FBXL2: variants seen among roughly 807,000 people sequenced by gnomAD.
FBXL2 encodes the protein F-box/LRR-repeat protein 2.
FBXL2 carries 38 observed loss-of-function variants against 69.2 expected under a neutral mutation model. The ratio of observed to expected loss-of-function variants is 0.55; its 90% CI spans 0.42 to 0.72. FBXL2 has a LOEUF of 0.72. Ranked by LOEUF, FBXL2 falls within the 30% of genes least tolerant of loss-of-function variation. The pLI, the probability that FBXL2 is intolerant of heterozygous loss-of-function variation, is 0.00. For missense variants in FBXL2, 354 were observed against 520.3 expected, an observed-to-expected ratio of 0.68 and a Z score of 3.11; for synonymous variants, 192 against 201.3, an observed-to-expected ratio of 0.95 and a Z score of 0.39.
intron 1 of FBXL2, 142 bp from the exon 2 acceptor site, chr3:33,297,522 A>G: frequency 1.7e-6 from 1 of 587,110 alleles, no homozygotes; most frequent in Non-Finnish European, 3.0e-6. Flanking sequence ...ATATTAGAAT[A>G]TGGTGGCTGC....
the FBXL2 span, among the ~76,000 whole-genome samples, chr3:33,418,584 C>T: frequency 5.0e-4 from 76 of 151,894 alleles, 1 homozygote; most frequent in East Asian, 0.012. Context: ...TTAGGCTGCG[C>T]GCAGTGGCTC....
At chr3:33,343,544 T>C (rs565754881) in intron 2 of FBXL2, among the ~76,000 whole-genome samples, 3 of 152,142 alleles carry the variant, frequency 2.0e-5, no homozygotes, top group Non-Finnish European at 4.4e-5. Context: ...AAAAATATTT[T>C]ATTGATTAGA....
chr3:33,278,996 T>A (rs1255873340), intron 1 of FBXL2, among the ~76,000 whole-genome samples: 1 of 152,224 alleles, frequency 6.6e-6, no homozygotes, highest in Non-Finnish European at 1.5e-5. Context: ...TTCTTCCACT[T>A]CTTTCGTTCT....
chr3:33,421,767 G>A, the FBXL2 span, among the ~76,000 whole-genome samples: 3 of 152,046 alleles, frequency 2.0e-5, no homozygotes, highest in Admixed American at 6.5e-5. Flanking sequence ...TGACCATTTC[G>A]GCTGGGAGTG....
At chr3:33,297,371 C>T (rs981913232) in intron 1 of FBXL2, among the ~76,000 whole-genome samples, 2 of 152,088 alleles carry the variant, frequency 1.3e-5, no homozygotes, top group Admixed American at 1.3e-4. Context: ...TGTTTTACTT[C>T]TTCCTTTCCA....
At chr3:33,313,966 A>T (rs1351715789) in intron 2 of FBXL2, among the ~76,000 whole-genome samples, 2 of 152,116 alleles carry the variant, frequency 1.3e-5, no homozygotes, top group African/African-American at 4.8e-5. Flanking sequence ...TTTCTTGATT[A>T]TCTTAATTAT....
intron 2 of FBXL2, among the ~76,000 whole-genome samples, chr3:33,319,426 A>G (rs1168287477): frequency 3.9e-5 from 6 of 152,212 alleles, no homozygotes; most frequent in African/African-American, 1.2e-4. Context: ...TTTTAACTTT[A>G]AGAAATAATT....
chr3:33,355,426 A>G (rs2041131843), intron 2 of FBXL2, among the ~76,000 whole-genome samples: 1 of 152,236 alleles, frequency 6.6e-6, no homozygotes, highest in African/African-American at 2.4e-5. Context: ...AATTTTCTAC[A>G]AATTCAGTGC....
intron 2 of FBXL2, among the ~76,000 whole-genome samples, chr3:33,311,773 T>G (rs1333739212): frequency 6.6e-6 from 1 of 151,526 alleles, no homozygotes; most frequent in Non-Finnish European, 1.5e-5. Flanking sequence ...TACAGGCGCA[T>G]GCCACCATGC....
the FBXL2 span, among the ~76,000 whole-genome samples, chr3:33,415,423 C>CA: frequency 6.6e-6 from 1 of 151,858 alleles, no homozygotes; most frequent in Non-Finnish European, 1.5e-5. Context: ...CCGGCATACA[C>CA]AAAAAAAGCA....
At chr3:33,364,762 A>G (rs1042577201) in intron 5 of FBXL2, 43 bp downstream of exon 5, 3 of 1,505,504 alleles carry the variant, frequency 2.0e-6, no homozygotes, top group Non-Finnish European at 2.8e-6. Context: ...AGCTTGTAGC[A>G]TTTTCATCAG....
intron 2 of FBXL2, among the ~76,000 whole-genome samples, chr3:33,323,443 A>G (rs555689297): frequency 6.6e-6 from 1 of 152,050 alleles, no homozygotes; most frequent in Non-Finnish European, 1.5e-5. Flanking sequence ...TATTTCTCCA[A>G]ATGATATCCC....
chr3:33,324,897 A>G (rs550917666), intron 2 of FBXL2, among the ~76,000 whole-genome samples: 283 of 152,260 alleles, frequency 1.9e-3, no homozygotes, highest in Non-Finnish European at 3.6e-3. Flanking sequence ...TGTGGGCAGT[A>G]TGGCCATTTT....
At chr3:33,390,422 T>C (rs538997266), downstream of FBXL2, 185 of 1,604,244 alleles carry the variant, frequency 1.2e-4, 1 homozygote, top group Middle Eastern at 9.9e-4. Flanking sequence ...AAATTAAGCC[T>C]ATTAAATGGA....
chr3:33,290,193 TG>T (rs1442998550), intron 1 of FBXL2, among the ~76,000 whole-genome samples: 1 of 152,214 alleles, frequency 6.6e-6, no homozygotes, highest in Non-Finnish European at 1.5e-5. Context: ...TAGCTTCTCC[TG>T]AAGGTAAAGT....
intron 1 of FBXL2, among the ~76,000 whole-genome samples, chr3:33,293,859 A>G (rs962893079): frequency 1.3e-5 from 2 of 152,206 alleles, no homozygotes; most frequent in Non-Finnish European, 2.9e-5. Context: ...GAACAACACT[A>G]TAAGTCAATG....
chr3:33,324,658 C>G (rs983804259), intron 2 of FBXL2, among the ~76,000 whole-genome samples: 8 of 152,058 alleles, frequency 5.3e-5, no homozygotes, highest in Non-Finnish European at 1.2e-4. Context: ...TTCCATTGGT[C>G]TATATATCTG....
At chr3:33,328,224 A>T (rs1256516080) in intron 2 of FBXL2, among the ~76,000 whole-genome samples, 1 of 152,228 alleles carries the variant, frequency 6.6e-6, no homozygotes, top group African/African-American at 2.4e-5. Flanking sequence ...ATGGAAAGAC[A>T]TCCCATGCTC....
intron 5 of FBXL2, among the ~76,000 whole-genome samples, chr3:33,365,721 C>T (rs2041911002): frequency 7.2e-6 from 1 of 138,008 alleles, no homozygotes. Flanking sequence ...GACTCTTCGA[C>T]CAAACAAACA....
Sources: gnomAD v4.1 joint callset for allele counts (sites outside exome capture counted in the v4.1 genomes callset) on GRCh38, gnomAD v4.1.1 for gene constraint, MANE v1.5 for transcripts, NCBI Gene and HGNC (gene_info 2026-07-23, HGNC 2026-07-21) for gene names.